Variants in DCDC2C observed in about 807,000 individuals in gnomAD.
DCDC2C encodes the protein doublecortin domain containing 2C.
DCDC2C carries 44 observed loss-of-function variants against 45.0 expected under a neutral mutation model. The observed-to-expected ratio is 0.98, with a 90% confidence interval of 0.77 to 1.26. The LOEUF is 1.26. Among genes scored for constraint, DCDC2C ranks in the 50% most tolerant of loss-of-function variants. The pLI is 0.00. For synonymous variants in DCDC2C, 187 were observed against 178.8 expected, an observed-to-expected ratio of 1.05 and a Z score of -0.37; for missense variants, 447 against 468.9, an observed-to-expected ratio of 0.95 and a Z score of 0.43.
At chr2:3,831,410 C>G (rs1671949655) in intron 10 of DCDC2C, among the ~76,000 whole-genome samples, 1 of 152,210 alleles carries the variant, frequency 6.6e-6, no homozygotes, top group African/African-American at 2.4e-5. Flanking sequence ...ATTGCCCAGA[C>G]TGCAAACCTG....
chr2:3,801,795 C>T (rs147659232), intron 10 of DCDC2C, among the ~76,000 whole-genome samples: 111 of 152,362 alleles, frequency 7.3e-4, no homozygotes, highest in African/African-American at 2.4e-3. Flanking sequence ...CAGCTCTGCT[C>T]AGTGCATCTC....
intron 4 of DCDC2C, among the ~76,000 whole-genome samples, chr2:3,743,032 A>C (rs1669260908): frequency 6.6e-6 from 1 of 152,180 alleles, no homozygotes; most frequent in East Asian, 1.9e-4. Context: ...AACCATATGC[A>C]CAGGCTGAAA....
At chr2:3,795,221 T>C (rs973554731) in intron 10 of DCDC2C, among the ~76,000 whole-genome samples, 43 of 152,106 alleles carry the variant, frequency 2.8e-4, no homozygotes, top group Non-Finnish European at 5.6e-4. Flanking sequence ...TGTTTGTTTT[T>C]TTCTTGTAAA....
chr2:3,731,070 A>G (rs573619781), intron 3 of DCDC2C, among the ~76,000 whole-genome samples: 1 of 152,298 alleles, frequency 6.6e-6, no homozygotes, highest in South Asian at 2.1e-4. Context: ...TTCTGGAGCT[A>G]ATGATGCAGC....
chr2:3,756,971 C>A (rs972865016), intron 6 of DCDC2C, among the ~76,000 whole-genome samples: 55 of 152,156 alleles, frequency 3.6e-4, no homozygotes, highest in African/African-American at 1.3e-3. Context: ...GAATGATGAT[C>A]ACTGAGATTA....
rs865847886 is a variant in DCDC2C at position 3,775,575 on chromosome 2, A to G, written c.955-3241A>G. ...TGTGGGCTAGGCAGCTGTGGCTCTG[A>G]GCTAGGCAGCTGTGGCTGTGGGCTA... is the stretch of plus-strand genomic sequence containing the variant. On this transcript the variant is annotated intron_variant, in intron 8 of 10. Coordinates refer to ENST00000399143, the MANE Select transcript of DCDC2C (RefSeq NM_001287444.2). Among the ~76,000 whole-genome samples the G allele has an allele frequency of 3.1e-3, 185 of 59,264 alleles. 11 individuals carry two copies. The highest frequency in any genetic ancestry group is 0.013 in the African/African-American group (162 of 12,814). The allele number at this position is 59,264 out of a possible 152,430, so 38.9% of individuals were successfully genotyped here.
intron 3 of DCDC2C, among the ~76,000 whole-genome samples, chr2:3,727,505 C>T (rs1171229706): frequency 6.6e-6 from 1 of 152,148 alleles, no homozygotes; most frequent in African/African-American, 2.4e-5. Context: ...CGCCCCTTGA[C>T]CTCTTGCTAC....
intron 10 of DCDC2C, among the ~76,000 whole-genome samples, chr2:3,790,534 G>A (rs965746949): frequency 1.1e-4 from 16 of 152,160 alleles, no homozygotes; most frequent in African/African-American, 3.9e-4. Context: ...AATAAAACCA[G>A]GATCCAGCAT....
At position 3,734,591 on chromosome 2, in the gene DCDC2C, G is replaced by T. The variant is rs1668966708; in HGVS notation, c.417-7329G>T. Among the ~76,000 whole-genome samples, 1 of 152,156 alleles carries T rather than the reference G, an allele frequency of 6.6e-6. No individual in the cohort carries two copies. Among genetic ancestry groups the T allele is most frequent in the African/African-American group, 2.4e-5 (1 of 41,430 alleles). ...AATGCTGTGTTCTCATTAAGCAGTG[G>T]GGTCTGTAGGGTCTGAACGGGATGA... is the stretch of plus-strand genomic sequence containing the variant. On this transcript the variant is annotated intron_variant, in intron 3 of 10. Transcript: ENST00000399143. This position sits in a 1 kb window ranked among gnomAD's most constrained non-coding sequence, Gnocchi z 4.2.
chr2:3,707,690 G>A (rs909373218), intron 1 of DCDC2C, among the ~76,000 whole-genome samples: 9 of 152,222 alleles, frequency 5.9e-5, no homozygotes, highest in African/African-American at 1.4e-4. Context: ...GCCTCAGAAG[G>A]GAAAGGATGG....
At chr2:3,827,709 C>G (rs1177507949) in intron 10 of DCDC2C, among the ~76,000 whole-genome samples, 1 of 152,116 alleles carries the variant, frequency 6.6e-6, no homozygotes, top group African/African-American at 2.4e-5. Context: ...TAAATGCCAA[C>G]TAGATTATCA....
chr2:3,845,091 G>A (rs1185401143), intron 10 of DCDC2C, among the ~76,000 whole-genome samples: 2 of 152,096 alleles, frequency 1.3e-5, no homozygotes, highest in Non-Finnish European at 2.9e-5. Context: ...GTGGCTAAGC[G>A]AATGGACTCT....
At chr2:3,710,694 C>A (rs527565871) in intron 2 of DCDC2C, among the ~76,000 whole-genome samples, 1 of 152,136 alleles carries the variant, frequency 6.6e-6, no homozygotes, top group Non-Finnish European at 1.5e-5. Flanking sequence ...CCCATGAGTA[C>A]CTACTGTTTA....
intron 10 of DCDC2C, among the ~76,000 whole-genome samples, chr2:3,832,425 C>T (rs1236448788): frequency 2.0e-5 from 3 of 152,242 alleles, no homozygotes; most frequent in African/African-American, 4.8e-5. Context: ...GGTGGTCCCA[C>T]TGCTTCATTC....
At chr2:3,800,445 C>G (rs1374558721) in intron 10 of DCDC2C, among the ~76,000 whole-genome samples, 1 of 152,186 alleles carries the variant, frequency 6.6e-6, no homozygotes, top group African/African-American at 2.4e-5. Context: ...TCAACCCAAA[C>G]ACTATCAGTT....
intron 10 of DCDC2C, among the ~76,000 whole-genome samples, chr2:3,815,678 T>G (rs1671538678): frequency 6.6e-6 from 1 of 152,166 alleles, no homozygotes; most frequent in Non-Finnish European, 1.5e-5. Flanking sequence ...GGGGCCGTTT[T>G]ATAGGATTTG....
At chr2:3,736,899 C>T in intron 3 of DCDC2C, among the ~76,000 whole-genome samples, 1 of 152,154 alleles carries the variant, frequency 6.6e-6, no homozygotes, top group East Asian at 1.9e-4. Flanking sequence ...AATAATGCCT[C>T]TTTATTACCC....
At chr2:3,757,791 C>G (rs979923617) in intron 6 of DCDC2C, among the ~76,000 whole-genome samples, 2 of 152,228 alleles carry the variant, frequency 1.3e-5, no homozygotes, top group African/African-American at 4.8e-5. Flanking sequence ...ACCCCAGATG[C>G]CACCAGCACC....
At chr2:3,781,713 A>G (rs1670513363) in intron 9 of DCDC2C, among the ~76,000 whole-genome samples, 2 of 151,650 alleles carry the variant, frequency 1.3e-5, no homozygotes, top group African/African-American at 4.9e-5. Context: ...TTAGTGAAAT[A>G]AAAAAAGGTA....
Sources: gnomAD v4.1 joint callset for allele counts (sites outside exome capture counted in the v4.1 genomes callset) on GRCh38, gnomAD v4.1.1 for gene constraint, Gnocchi (gnomAD v3.1) non-coding constraint, MANE v1.5 for transcripts, NCBI Gene and HGNC (gene_info 2026-07-23, HGNC 2026-07-21) for gene names.